ADK: variants seen among roughly 807,000 people sequenced by gnomAD.
ADK encodes the protein adenosine kinase.
A neutral mutation model predicts 44.7 loss-of-function variants in ADK; 24 were observed. The observed-to-expected ratio is 0.54, with a 90% CI of 0.39 to 0.76. ADK has a LOEUF of 0.76. ADK is among the 30% of genes least tolerant of loss of function. The pLI, the probability that ADK is intolerant of heterozygous loss-of-function variation, is 0.00. For missense variants in ADK, 321 were observed against 425.1 expected, an observed-to-expected ratio of 0.76 and a Z score of 2.15; for synonymous variants, 128 against 142.6, an observed-to-expected ratio of 0.90 and a Z score of 0.73.
intron 3 of ADK, among the ~76,000 whole-genome samples, chr10:74,310,023 ATAT>A: frequency 6.6e-6 from 1 of 152,196 alleles, no homozygotes; most frequent in Admixed American, 6.5e-5. Context: ...AATAATTATA[ATAT>A]TACAAAGTTT....
intron 6 of ADK, among the ~76,000 whole-genome samples, chr10:74,513,902 C>T (rs1173996442): frequency 6.6e-6 from 1 of 152,138 alleles, no homozygotes; most frequent in African/African-American, 2.4e-5. Context: ...GCAGCTCTAT[C>T]AGTGTGTTTT....
intron 3 of ADK, among the ~76,000 whole-genome samples, chr10:74,303,613 T>TTTTTG (rs1554840566): frequency 1.4e-5 from 2 of 140,670 alleles, no homozygotes; most frequent in Non-Finnish European, 3.1e-5. Context: ...TTTTTTTTTT[T>TTTTTG]TGCTAGAAAG....
At chr10:74,543,182 G>C (rs1424888162) in intron 7 of ADK, among the ~76,000 whole-genome samples, 1 of 150,586 alleles carries the variant, frequency 6.6e-6, no homozygotes, top group Non-Finnish European at 1.5e-5. Context: ...TTACAGGCGT[G>C]AGCCACAGCG....
At chr10:74,442,461 C>T (rs1257790885) in intron 6 of ADK, among the ~76,000 whole-genome samples, 1 of 152,086 alleles carries the variant, frequency 6.6e-6, no homozygotes, top group African/African-American at 2.4e-5. Flanking sequence ...GCCTGGCCAA[C>T]ATGATGAAAC....
intron 6 of ADK, among the ~76,000 whole-genome samples, chr10:74,465,627 C>G (rs1490732369): frequency 6.6e-6 from 1 of 152,056 alleles, no homozygotes; most frequent in Admixed American, 6.6e-5. Context: ...AGAGAATTAG[C>G]AATGGAGGTG....
At chr10:74,473,620 A>T (rs1177974487) in intron 6 of ADK, among the ~76,000 whole-genome samples, 2 of 152,166 alleles carry the variant, frequency 1.3e-5, no homozygotes, top group African/African-American at 2.4e-5. Flanking sequence ...ATTAGACTGA[A>T]ATTATGGGGT....
chr10:74,482,808 T>C (rs1194212586), intron 6 of ADK, among the ~76,000 whole-genome samples: 2 of 152,218 alleles, frequency 1.3e-5, no homozygotes, highest in East Asian at 3.8e-4. Flanking sequence ...TCTTTGACTC[T>C]ATGTCTCACA....
At position 74,247,224 on chromosome 10, in the gene ADK, G is replaced by GTTTTTT. The variant is rs142274121; in HGVS notation, c.194+22652_194+22657dup. On this transcript the variant is annotated intron_variant, in intron 3 of 10. Coordinates refer to ENST00000539909, the MANE Select transcript of ADK (RefSeq NM_006721.4). Reference sequence around the variant, plus strand: ...CTTTTTTTGATTTTTTTTTTTTTAAGTTTTTTTTTTTTTTTTTTTTTTTTG... The same window carrying GTTTTTT: ...CTTTTTTTGATTTTTTTTTTTTTAAGTTTTTTTTTTTTTTTTTTTTTTTTTTTTTTG... Among the ~76,000 whole-genome samples, 110 of 72,008 alleles carry GTTTTTT rather than the reference G, an allele frequency of 1.5e-3. 2 individuals carry two copies. Among genetic ancestry groups the GTTTTTT allele is most frequent in the Non-Finnish European group, 1.8e-3 (76 of 42,684 alleles). 47.2% of individuals were successfully genotyped at this position (72,008 alleles called of 152,430 possible).
intron 7 of ADK, among the ~76,000 whole-genome samples, chr10:74,540,720 A>G (rs1315801088): frequency 6.6e-6 from 1 of 152,172 alleles, no homozygotes; most frequent in Non-Finnish European, 1.5e-5. Context: ...TCGGCCTCCC[A>G]TGTGCTGGGG....
intron 6 of ADK, among the ~76,000 whole-genome samples, chr10:74,476,492 C>CA (rs980267189): frequency 2.5e-3 from 326 of 131,678 alleles, no homozygotes; most frequent in African/African-American, 2.6e-3. Flanking sequence ...AACTCCATCT[C>CA]AAAAAAAAAA....
At chr10:74,277,771 G>C (rs1416720316) in intron 3 of ADK, among the ~76,000 whole-genome samples, 1 of 152,038 alleles carries the variant, frequency 6.6e-6, no homozygotes, top group Non-Finnish European at 1.5e-5. Context: ...TTTTTAAAAA[G>C]CTATTTTTTC....
intron 6 of ADK, among the ~76,000 whole-genome samples, chr10:74,457,466 C>T (rs1214662492): frequency 6.6e-6 from 1 of 152,130 alleles, no homozygotes; most frequent in African/African-American, 2.4e-5. Context: ...TGTGGCGATT[C>T]CTCAAGGAAC....
intron 3 of ADK, among the ~76,000 whole-genome samples, chr10:74,311,026 T>C (rs1237312928): frequency 6.6e-6 from 1 of 152,200 alleles, no homozygotes; most frequent in East Asian, 1.9e-4. Context: ...AGTTGATTTT[T>C]CATTACAAAA....
intron 4 of ADK, chr10:74,372,403 CT>C: frequency 1.4e-6 from 1 of 719,490 alleles, no homozygotes; most frequent in Non-Finnish European, 2.6e-6. Context: ...GGAGCAAACA[CT>C]GAAAGGTCTT....
At chr10:74,303,585 G>GTGTTTT (rs1840134756) in intron 3 of ADK, among the ~76,000 whole-genome samples, 1 of 64,676 alleles carries the variant, frequency 1.5e-5, no homozygotes, top group Non-Finnish European at 2.5e-5. Flanking sequence ...TGGTTTTAAT[G>GTGTTTT]TTGTTTTTTT....
At chr10:74,529,147 G>T (rs1488267198) in intron 7 of ADK, 2 of 152,138 alleles carry the variant, frequency 1.3e-5, no homozygotes, top group African/African-American at 4.8e-5. Flanking sequence ...AAAATTTCAT[G>T]TATATATACA....
chr10:74,686,303 T>A (rs1436161579), intron 10 of ADK, among the ~76,000 whole-genome samples: 1 of 152,138 alleles, frequency 6.6e-6, no homozygotes, highest in Non-Finnish European at 1.5e-5. Context: ...ATTAACTAGT[T>A]GTGGGACTGC....
chr10:74,562,629 G>A (rs767916685), intron 7 of ADK, among the ~76,000 whole-genome samples: 6 of 152,180 alleles, frequency 3.9e-5, no homozygotes, highest in Admixed American at 1.3e-4. Context: ...AGAAAATCAA[G>A]TCTTTACTAT....
intron 6 of ADK, chr10:74,509,457 C>A (rs1848217670): frequency 6.6e-6 from 1 of 152,320 alleles, no homozygotes; most frequent in African/African-American, 2.4e-5. Flanking sequence ...TCCCAAAGTG[C>A]TGGGATTACA....
Sources: gnomAD v4.1 joint callset for allele counts (sites outside exome capture counted in the v4.1 genomes callset) on GRCh38, gnomAD v4.1.1 for gene constraint, MANE v1.5 for transcripts, NCBI Gene and HGNC (gene_info 2026-07-23, HGNC 2026-07-21) for gene names.